The following MYB variants were observed in gnomAD, a reference collection of about 807,000 sequenced individuals.
MYB encodes MYB proto-oncogene, transcription factor, also known as transcriptional activator Myb.
In MYB, 28 loss-of-function variants were observed where a neutral mutation model predicts 92.9. That is an observed-to-expected ratio of 0.30 (90% CI 0.22 to 0.41). MYB has a LOEUF of 0.41. Ranked by LOEUF, MYB falls within the 10% of genes least tolerant of loss-of-function variation. The pLI, the probability that MYB is intolerant of heterozygous loss-of-function variation, is 1.00. For missense variants in MYB, 679 were observed against 929.3 expected (o/e 0.73, Z 3.50); for synonymous variants, 295 against 329.1 (o/e 0.90, Z 1.12).
chr6:135,192,501 T>G lies in MYB; in HGVS notation c.705T>G (p.Thr235=). The G allele has an allele frequency of 1.2e-6, 2 of 1,614,260 alleles. No individual in the cohort carries two copies. Among genetic ancestry groups the G allele is most frequent in the Non-Finnish European group, 1.7e-6 (2 of 1,180,040 alleles). Residue 235 remains threonine (T), a synonymous_variant, in exon 6 of 16, where the codon ACT becomes ACG. Transcript: ENST00000341911. ...QAPPTAQLPA[T]GQPTVNNDYS... is the part of the protein sequence containing the mutation. Reference sequence around the variant, plus strand: ...CGCCTACAGCTCAACTCCCTGCCACTGGCCAGCCCACTGTTAACAACGACT... The same window carrying G: ...CGCCTACAGCTCAACTCCCTGCCACGGGCCAGCCCACTGTTAACAACGACT...
At chr6:135,206,691 A>T (rs1405350561) in intron 15 of MYB, among the ~76,000 whole-genome samples, 1 of 152,198 alleles carries the variant, frequency 6.6e-6, no homozygotes, top group Non-Finnish European at 1.5e-5. Flanking sequence ...GTGAGACTCT[A>T]TCTCAAACAA....
At chr6:135,203,620 T>C in intron 15 of MYB, 1 of 948,398 alleles carries the variant, frequency 1.1e-6, no homozygotes, top group East Asian at 2.6e-5. Flanking sequence ...TACACGTGTG[T>C]CACTATCTTC....
chr6:135,197,270 A>T lies in MYB; in HGVS notation c.1513A>T (p.Ser505Cys). Reference protein sequence around the residue: ...CSSFIFADVSSSTPKRSPVKS... With the variant: ...CSSFIFADVSCSTPKRSPVKS... ...CTCCTTCATATTTGCTGACGTCAGC[A>T]GTTCAACTCCCAAGCGTTCCCCTGT... is the stretch of plus-strand genomic sequence containing the variant. Residue 505 changes from serine to cysteine, a missense_variant, in exon 10 of 16, where the codon AGT becomes TGT. By Grantham distance (112) the Ser-to-Cys change is moderately radical. Coordinates refer to ENST00000341911, the MANE Select transcript of MYB (RefSeq NM_001130173.2). 6.2e-7 allele frequency: 1 copy of T among 1,613,888 alleles called. No homozygotes were observed. Among genetic ancestry groups the T allele is most frequent in the Non-Finnish European group, 8.5e-7 (1 of 1,179,802 alleles).
At chr6:135,206,205 C>CAAAAAAAAAAAAAAAAAAA (rs67836018) in intron 15 of MYB, among the ~76,000 whole-genome samples, 2 of 87,366 alleles carry the variant, frequency 2.3e-5, no homozygotes, top group African/African-American at 4.4e-5. Context: ...GACTCCATCT[C>CAAAAAAAAAAAAAAAAAAA]AAAAAAAAAA....
At chr6:135,183,925 G>C (rs1331450659) in intron 1 of MYB, among the ~76,000 whole-genome samples, 2 of 152,214 alleles carry the variant, frequency 1.3e-5, no homozygotes, top group African/African-American at 4.8e-5. Flanking sequence ...TCTTGAGAGA[G>C]AGGAAGTGAT....
At chr6:135,199,522 G>T in intron 11 of MYB, 1 of 1,038,776 alleles carries the variant, frequency 9.6e-7, no homozygotes, top group Non-Finnish European at 1.2e-6. Flanking sequence ...GAATTTATGT[G>T]TAGATAGGAC....
chr6:135,202,614 C>T (rs544229457), intron 14 of MYB: 12 of 198,014 alleles, frequency 6.1e-5, no homozygotes, highest in East Asian at 3.0e-4. Flanking sequence ...GTGATCTACC[C>T]GCCTCGGCCT....
chr6:135,195,357 C>CGCCGTATCATTAAAAAA, intron 8 of MYB: 1 of 177,546 alleles, frequency 5.6e-6, no homozygotes, highest in Non-Finnish European at 1.2e-5. Context: ...CCTGAGTCCT[C>CGCCGTATCATTAAAAAA]TAGCTTTTTT....
Position 135,182,251 on chromosome 6 carries a change from A to T in MYB, c.23+715A>T, listed in dbSNP as rs1201014768. On this transcript the variant is annotated intron_variant, in intron 1 of 15. Transcript: ENST00000341911. This position sits in a 1 kb window ranked among gnomAD's most constrained non-coding sequence, Gnocchi z 5.6. ...GCACTTAGGGAGGCTCGCCGGGAAGATGGGTGCAGTCCCTTCACATTTTTG... is the reference window on the plus strand; with the variant it reads ...GCACTTAGGGAGGCTCGCCGGGAAGTTGGGTGCAGTCCCTTCACATTTTTG... Among the ~76,000 whole-genome samples, 5 of 152,322 alleles carry T rather than the reference A, an allele frequency of 3.3e-5. No individual in the cohort carries two copies. The East Asian group carries it at 9.7e-4, about 29-fold the overall frequency.
intron 3 of MYB, among the ~76,000 whole-genome samples, chr6:135,189,206 A>G (rs970694614): frequency 6.6e-6 from 1 of 152,188 alleles, no homozygotes; most frequent in African/African-American, 2.4e-5. Flanking sequence ...TCCTCACTTC[A>G]GTATCATTTT....
chr6:135,189,124 C>T (rs1217394200), intron 3 of MYB, among the ~76,000 whole-genome samples: 1 of 152,190 alleles, frequency 6.6e-6, no homozygotes. Context: ...GTCCATCCTT[C>T]AAAGTCCTTA....
In MYB at chr6:135,189,990, G is replaced by A. The variant is rs531222141; in HGVS notation, c.306+107G>A. 14 of 1,390,462 alleles carry A rather than the reference G, an allele frequency of 1.0e-5. No individual in the cohort carries two copies. In the African/African-American group the frequency reaches 2.0e-4, roughly 20 times the overall value. The allele number at this position is 1,390,462 out of a possible 1,614,324, so 86.1% of individuals were successfully genotyped here. On this transcript the variant is annotated intron_variant, in intron 4 of 15. Coordinates refer to ENST00000341911, the MANE Select transcript of MYB (RefSeq NM_001130173.2). ...GTAAAATGGGCAAACAGGAAGTAGA[G>A]GACTCTATTCCCATATTTCCAGTGA...
chr6:135,197,764 A>T (rs1276000021), intron 10 of MYB, among the ~76,000 whole-genome samples: 1 of 152,218 alleles, frequency 6.6e-6, no homozygotes, highest in South Asian at 2.1e-4. Flanking sequence ...GCAACTAGAA[A>T]ATTTAAAGCT....
intron 15 of MYB, among the ~76,000 whole-genome samples, chr6:135,208,781 C>T (rs574238180): frequency 6.6e-6 from 1 of 152,156 alleles, no homozygotes; most frequent in Admixed American, 6.5e-5. Context: ...AACCTAATAC[C>T]ATCATTACAT....
rs73555742 is a variant in MYB at position 135,196,970 on chromosome 6, T to C, written c.1213T>C (p.Ser405Pro). The change falls in exon 10 of 16, where the codon TCA becomes CCA. Residue 405 changes from serine (S) to proline (P), a missense_variant. Ser to Pro is a moderately conservative substitution (Grantham distance 74, BLOSUM62 -1). Coordinates refer to ENST00000341911, the MANE Select transcript of MYB (RefSeq NM_001130173.2). Reference sequence around the variant, plus strand: ...TCCCACATTGTTTCAGGATTCTTCATCATGGTGTGATCTCAGCAGTTTTGA... The same window carrying C: ...TCCCACATTGTTTCAGGATTCTTCACCATGGTGTGATCTCAGCAGTTTTGA... ...TLQFIDSDSS[S>P]WCDLSSFEFF... 2.1e-3 allele frequency: 3,445 copies of C among 1,612,764 alleles called. 71 individuals carry two copies. In the African/African-American group the frequency reaches 0.041, roughly 19 times the overall value.
intron 3 of MYB, among the ~76,000 whole-genome samples, chr6:135,188,522 T>C (rs1776233803): frequency 6.6e-6 from 1 of 150,470 alleles, no homozygotes; most frequent in Non-Finnish European, 1.5e-5. Flanking sequence ...TTGTTTTTTG[T>C]TTTTTGAGAT....
chr6:135,185,802 CT>C, intron 1 of MYB, 100 bp from the exon 2 acceptor site: 1 of 953,658 alleles, frequency 1.0e-6, no homozygotes. Flanking sequence ...TCTTCATAAC[CT>C]TTGAAAAGAT....
intron 14 of MYB, among the ~76,000 whole-genome samples, 187 bp downstream of exon 14, chr6:135,201,936 A>C (rs1199987895): frequency 6.6e-6 from 1 of 152,240 alleles, no homozygotes; most frequent in Admixed American, 6.5e-5. Context: ...AGATTTTTTC[A>C]TGTATTAGAA....
In MYB at chr6:135,190,074, T is replaced by C; in HGVS notation, c.307-53T>C. 1 of 1,564,866 alleles carries C rather than the reference T, an allele frequency of 6.4e-7. No individual in the cohort carries two copies. The highest frequency in any genetic ancestry group is 1.7e-5 in the Admixed American group (1 of 58,066). The stretch of plus-strand genomic sequence containing the variant: ...TTGTAACACTGAAGAATGATTATAC[T>C]GACTCATTACATAACTTTAAAACAT... On this transcript the variant is annotated intron_variant, in intron 4 of 15. Coordinates refer to ENST00000341911, the MANE Select transcript of MYB (RefSeq NM_001130173.2). The surrounding 1 kb of genome is among the most constrained non-coding windows in gnomAD (Gnocchi z 4.5).
Sources: allele counts gnomAD v4.1 joint callset (sites outside exome capture counted in the v4.1 genomes callset), GRCh38; gene constraint gnomAD v4.1.1; non-coding constraint Gnocchi (gnomAD v3.1); transcripts MANE v1.5; gene names NCBI Gene and HGNC (gene_info 2026-07-23, HGNC 2026-07-21).